Variants in LRP1B observed in about 807,000 individuals in gnomAD.
LRP1B encodes LDL receptor related protein 1B.
LRP1B carries 217 observed loss-of-function variants against 556.6 expected under a neutral mutation model. The ratio of observed to expected loss-of-function variants is 0.39; its 90% CI spans 0.35 to 0.44. The LOEUF (loss-of-function observed/expected upper bound fraction) is 0.44, where lower values mean the gene tolerates loss of function less well. LRP1B is among the 20% of genes least tolerant of loss of function. LRP1B has a pLI of 1.00. For synonymous variants in LRP1B, 2,047 were observed against 1,865.8 expected, an observed-to-expected ratio of 1.10 and a Z score of -2.50; for missense variants, 5,053 against 5,620.8, an observed-to-expected ratio of 0.90 and a Z score of 3.23.
chr2:141,421,292 C>T (rs1027069384), intron 3 of LRP1B, among the ~76,000 whole-genome samples: 1 of 151,858 alleles, frequency 6.6e-6, no homozygotes, highest in African/African-American at 2.4e-5. Context: ...ACTTTGGGAG[C>T]CCGAGGTGGG....
At chr2:140,806,162 T>C (rs1690706398) in intron 32 of LRP1B, among the ~76,000 whole-genome samples, 1 of 152,096 alleles carries the variant, frequency 6.6e-6, no homozygotes, top group Admixed American at 6.6e-5. Flanking sequence ...AACCCAACCA[T>C]CCTGGCACCC....
chr2:140,985,040 G>A (rs988464289), intron 17 of LRP1B, among the ~76,000 whole-genome samples: 6 of 152,016 alleles, frequency 3.9e-5, no homozygotes, highest in African/African-American at 9.7e-5. Context: ...AGCCCCATAG[G>A]ACTCTAATTT....
chr2:140,978,272 C>A (rs1696664713), intron 18 of LRP1B, among the ~76,000 whole-genome samples: 1 of 152,186 alleles, frequency 6.6e-6, no homozygotes, highest in African/African-American at 2.4e-5. Flanking sequence ...ACCTGACCCT[C>A]AGTTGTAGCA....
At chr2:140,623,200 T>G (rs1683519156) in intron 41 of LRP1B, among the ~76,000 whole-genome samples, 1 of 152,096 alleles carries the variant, frequency 6.6e-6, no homozygotes, top group Admixed American at 6.6e-5. Flanking sequence ...GACAGTCCTG[T>G]GTTTCACTAA....
At chr2:141,323,995 T>TCA (rs57960872) in intron 3 of LRP1B, among the ~76,000 whole-genome samples, 24,717 of 106,876 alleles carry the variant, frequency 0.23, 3,795 homozygotes, top group African/African-American at 0.42. Flanking sequence ...AGCAAGGAAA[T>TCA]CACACACACA....
intron 57 of LRP1B, among the ~76,000 whole-genome samples, chr2:140,488,745 A>G (rs773054223): frequency 1.4e-4 from 21 of 151,996 alleles, no homozygotes; most frequent in Admixed American, 8.5e-4. Flanking sequence ...ATGTTTTTAT[A>G]TCTGTGGAGA....
chr2:140,482,583 A>G (rs1573988627), intron 59 of LRP1B, among the ~76,000 whole-genome samples: 2 of 152,176 alleles, frequency 1.3e-5, no homozygotes, highest in African/African-American at 4.8e-5. Flanking sequence ...AGGAAAAATT[A>G]GGATTTCAAT....
chr2:141,617,869 T>C (rs1688365222), intron 2 of LRP1B, among the ~76,000 whole-genome samples: 1 of 151,060 alleles, frequency 6.6e-6, no homozygotes, highest in Admixed American at 6.6e-5. Flanking sequence ...GTCATCAGTA[T>C]TTTCTCTATC....
At chr2:141,917,681 C>T (rs1331599401) in intron 1 of LRP1B, among the ~76,000 whole-genome samples, 2 of 152,188 alleles carry the variant, frequency 1.3e-5, no homozygotes, top group Admixed American at 6.5e-5. Flanking sequence ...AGTACATTAA[C>T]CACTATCTAC....
chr2:141,371,172 C>T (rs1280144264), intron 3 of LRP1B, among the ~76,000 whole-genome samples: 3 of 151,964 alleles, frequency 2.0e-5, no homozygotes, highest in Admixed American at 2.0e-4. Flanking sequence ...TTAGTAGAGA[C>T]CATGTTCATG....
intron 53 of LRP1B, among the ~76,000 whole-genome samples, chr2:140,505,526 C>T (rs1199061040): frequency 1.3e-5 from 2 of 152,158 alleles, no homozygotes; most frequent in South Asian, 2.1e-4. Flanking sequence ...CTGTTTTTTC[C>T]ATTCATCTGT....
At chr2:141,530,215 A>G (rs1412465083) in intron 2 of LRP1B, among the ~76,000 whole-genome samples, 2 of 152,254 alleles carry the variant, frequency 1.3e-5, no homozygotes, top group South Asian at 2.1e-4. Context: ...GGTAATGCCT[A>G]TAACTGTTTT....
chr2:141,396,371 T>G (rs542244454), intron 3 of LRP1B, among the ~76,000 whole-genome samples: 3 of 152,216 alleles, frequency 2.0e-5, no homozygotes, highest in Non-Finnish European at 2.9e-5. Context: ...AAGCAAGGCT[T>G]TATTTAAAAT....
chr2:140,800,314 G>T (rs1440690047), intron 32 of LRP1B, among the ~76,000 whole-genome samples: 1 of 151,928 alleles, frequency 6.6e-6, no homozygotes, highest in East Asian at 1.9e-4. Flanking sequence ...GAGTAAATGG[G>T]TACAGCACAC....
intron 2 of LRP1B, among the ~76,000 whole-genome samples, chr2:141,675,681 A>G (rs1424339088): frequency 2.1e-4 from 2 of 9,664 alleles, no homozygotes; most frequent in Non-Finnish European, 3.4e-4. Context: ...TTTATTTGGT[A>G]TATATATATA....
chr2:141,078,830 G>C (rs749320770), intron 7 of LRP1B, among the ~76,000 whole-genome samples: 16 of 152,164 alleles, frequency 1.1e-4, no homozygotes, highest in Non-Finnish European at 2.1e-4. Flanking sequence ...TCAAATTGTA[G>C]TGCTAATTGT....
At chr2:141,661,627 C>T (rs1046844579) in intron 2 of LRP1B, among the ~76,000 whole-genome samples, 5 of 151,828 alleles carry the variant, frequency 3.3e-5, no homozygotes, top group African/African-American at 1.2e-4. Context: ...GACAAGATTA[C>T]AGAAAAAAGA....
intron 1 of LRP1B, among the ~76,000 whole-genome samples, chr2:142,066,753 A>G (rs1299792218): frequency 6.6e-6 from 1 of 151,364 alleles, no homozygotes; most frequent in Non-Finnish European, 1.5e-5. Flanking sequence ...TTTTTGCCCA[A>G]TTTCAAATCT....
At chr2:140,532,929 G>GATATATATAT (rs539867412) in intron 47 of LRP1B, among the ~76,000 whole-genome samples, 3 of 50,382 alleles carry the variant, frequency 6.0e-5, no homozygotes, top group African/African-American at 1.8e-4. Context: ...CACAGCACAA[G>GATATATATAT]ATATATATAT....
Sources: gnomAD v4.1 joint callset for allele counts (sites outside exome capture counted in the v4.1 genomes callset) on GRCh38, gnomAD v4.1.1 for gene constraint, MANE v1.5 for transcripts, NCBI Gene and HGNC (gene_info 2026-07-23, HGNC 2026-07-21) for gene names.